The following MTUS2 variants were observed in gnomAD, a reference collection of about 807,000 sequenced individuals.
The protein encoded by MTUS2 is microtubule associated scaffold protein 2.
In MTUS2, 40 loss-of-function variants were observed where a neutral mutation model predicts 114.1. That is an observed-to-expected ratio of 0.35 (90% CI 0.27 to 0.46). The LOEUF (loss-of-function observed/expected upper bound fraction) is 0.46. Among genes scored for constraint, MTUS2 ranks in the 20% least tolerant of loss-of-function variants. The pLI is 1.00. For synonymous variants in MTUS2, 688 were observed against 672.0 expected, an observed-to-expected ratio of 1.02 and a Z score of -0.37; for missense variants, 1,679 against 1,705.4, an observed-to-expected ratio of 0.98 and a Z score of 0.27.
At chr13:29,236,023 T>C (rs1372279044) in intron 5 of MTUS2, among the ~76,000 whole-genome samples, 3 of 152,226 alleles carry the variant, frequency 2.0e-5, no homozygotes, top group Non-Finnish European at 4.4e-5. Flanking sequence ...TCCCCTCCTA[T>C]ATCCAGTATT....
chr13:29,191,523 G>T (rs1894448735), intron 5 of MTUS2, among the ~76,000 whole-genome samples: 1 of 152,106 alleles, frequency 6.6e-6, no homozygotes, highest in South Asian at 2.1e-4. Flanking sequence ...GAGCTCTTTT[G>T]CCGTGTTTGT....
rs181582343 is a variant in MTUS2, at chr13:29,037,510, A to G, written c.2446+3385A>G. ...TGTCTTGGGGTTGCTCTTCTTGAGG[A>G]GTATCTTTGTGATGTTCTGAGTATT... On this transcript the variant is annotated intron_variant, in intron 4 of 15. Coordinates refer to ENST00000612955, the MANE Select transcript of MTUS2 (RefSeq NM_001033602.4). Among the ~76,000 whole-genome samples the G allele has an allele frequency of 2.0e-5, 3 of 152,042 alleles. No homozygotes were observed. The East Asian group carries it at 5.8e-4, about 29-fold the overall frequency.
intron 5 of MTUS2, among the ~76,000 whole-genome samples, chr13:29,227,256 C>T (rs1296323153): frequency 2.2e-5 from 1 of 45,750 alleles, no homozygotes; most frequent in African/African-American, 1.1e-4. Flanking sequence ...AAGACTCCGT[C>T]TCAAAAAAAA....
At chr13:29,502,857 G>T in intron 15 of MTUS2, 136 bp from the exon 16 acceptor site, 1 of 790,408 alleles carries the variant, frequency 1.3e-6, no homozygotes, top group Non-Finnish European at 2.1e-6. Context: ...CAAAGTTCTT[G>T]GTCACTGGGT....
chr13:29,015,633 T>C (rs1886033153), intron 2 of MTUS2, among the ~76,000 whole-genome samples: 2 of 152,184 alleles, frequency 1.3e-5, no homozygotes, highest in African/African-American at 4.8e-5. Context: ...AGTTGTGCAT[T>C]CACTGATTTT....
At chr13:29,246,929 G>A (rs1452290424) in intron 5 of MTUS2, among the ~76,000 whole-genome samples, 1 of 151,100 alleles carries the variant, frequency 6.6e-6, no homozygotes, top group African/African-American at 2.4e-5. Context: ...AAATTCATAT[G>A]GAGCCAAAAA....
Position 28,852,023 on chromosome 13 carries a change from C to T in MTUS2, c.-243+12173C>T, listed in dbSNP as rs1451535178. Among the ~76,000 whole-genome samples the T allele has an allele frequency of 3.3e-5, 5 of 152,300 alleles. No individual in the cohort carries two copies. In the South Asian group the frequency reaches 6.2e-4, roughly 19 times the overall value. ...TGAACCCCACATCTATCTCCCTCCCCCTCGCTCCTGATGCCTCCTTGCTGT... is the reference window on the plus strand; with the variant it reads ...TGAACCCCACATCTATCTCCCTCCCTCTCGCTCCTGATGCCTCCTTGCTGT... On this transcript the variant is annotated intron_variant, in intron 2 of 15. Transcript: ENST00000612955.
At chr13:29,413,349 C>T (rs1206588524) in intron 8 of MTUS2, among the ~76,000 whole-genome samples, 6 of 151,814 alleles carry the variant, frequency 4.0e-5, no homozygotes, top group African/African-American at 1.5e-4. Flanking sequence ...ACCATAAAAA[C>T]CCTAGAAGAA....
At chr13:29,274,154 C>G (rs1285408612) in intron 5 of MTUS2, among the ~76,000 whole-genome samples, 1 of 152,054 alleles carries the variant, frequency 6.6e-6, no homozygotes, top group Non-Finnish European at 1.5e-5. Flanking sequence ...CGCTCTGTCA[C>G]CCAGGCTGGA....
At chr13:29,298,375 A>G (rs1054725819) in intron 6 of MTUS2, among the ~76,000 whole-genome samples, 3 of 152,236 alleles carry the variant, frequency 2.0e-5, no homozygotes, top group Non-Finnish European at 4.4e-5. Context: ...TTGTGTCATA[A>G]AAATTAATTT....
At chr13:29,004,191 G>A (rs1038263441) in intron 2 of MTUS2, among the ~76,000 whole-genome samples, 14 of 143,362 alleles carry the variant, frequency 9.8e-5, no homozygotes, top group Admixed American at 1.5e-4. Flanking sequence ...ATATGGGCAC[G>A]CACATGTATT....
At chr13:29,264,496 G>C (rs1432287692) in intron 5 of MTUS2, among the ~76,000 whole-genome samples, 7 of 152,234 alleles carry the variant, frequency 4.6e-5, no homozygotes, top group Admixed American at 4.6e-4. Flanking sequence ...ATTTCCCATT[G>C]GCTCTGCCCT....
intron 4 of MTUS2, among the ~76,000 whole-genome samples, chr13:29,061,094 T>C (rs948451627): frequency 1.3e-5 from 2 of 152,138 alleles, no homozygotes; most frequent in African/African-American, 4.8e-5. Context: ...CCCAGCCATG[T>C]TTCTTCTTAT....
At chr13:28,966,714 G>C (rs1435859460) in intron 2 of MTUS2, among the ~76,000 whole-genome samples, 1 of 81,928 alleles carries the variant, frequency 1.2e-5, no homozygotes, top group African/African-American at 4.7e-5. Context: ...GACAAAGTAA[G>C]ACCCTGTCTC....
chr13:29,086,936 T>C (rs1889717973), intron 4 of MTUS2, among the ~76,000 whole-genome samples: 1 of 152,152 alleles, frequency 6.6e-6, no homozygotes, highest in Non-Finnish European at 1.5e-5. Flanking sequence ...TGGTACTGGG[T>C]TTTATATATT....
At chr13:29,089,509 G>GTC (rs1889845049) in intron 4 of MTUS2, among the ~76,000 whole-genome samples, 1 of 152,302 alleles carries the variant, frequency 6.6e-6, no homozygotes, top group East Asian at 1.9e-4. Context: ...CTCTAGCAAG[G>GTC]TCAGGGAATT....
chr13:29,200,654 G>A (rs1371516198), intron 5 of MTUS2, among the ~76,000 whole-genome samples: 1 of 150,440 alleles, frequency 6.6e-6, no homozygotes, highest in East Asian at 2.0e-4. Context: ...CCAAGTAGTG[G>A]GAATTACAGG....
intron 6 of MTUS2, among the ~76,000 whole-genome samples, chr13:29,301,951 G>A (rs1289862796): frequency 1.3e-5 from 2 of 152,104 alleles, no homozygotes; most frequent in East Asian, 3.9e-4. Flanking sequence ...GAGCTTTTGG[G>A]GGCCTATTTT....
chr13:29,050,098 T>C (rs1036118060), intron 4 of MTUS2, among the ~76,000 whole-genome samples: 1 of 152,132 alleles, frequency 6.6e-6, no homozygotes, highest in Non-Finnish European at 1.5e-5. Flanking sequence ...TCCACCTCCC[T>C]ATTCCCCTTT....
Sources: gnomAD v4.1 joint callset for allele counts (sites outside exome capture counted in the v4.1 genomes callset) on GRCh38, gnomAD v4.1.1 for gene constraint, MANE v1.5 for transcripts, NCBI Gene and HGNC (gene_info 2026-07-23, HGNC 2026-07-21) for gene names.